The following CALN1 variants were observed in gnomAD, a reference collection of about 807,000 sequenced individuals.
The protein encoded by CALN1 is calcium-binding protein 8.
Under a neutral mutation model 30.6 loss-of-function variants are expected in CALN1, and 17 were observed. That is an observed-to-expected ratio of 0.56 (90% CI 0.38 to 0.83). CALN1 has a LOEUF of 0.83. Ranked by LOEUF, CALN1 falls within the 40% of genes least tolerant of loss-of-function variation. CALN1 has a pLI of 0.00. For missense variants in CALN1, 291 were observed against 354.9 expected, an observed-to-expected ratio of 0.82 and a Z score of 1.45; for synonymous variants, 156 against 131.4, an observed-to-expected ratio of 1.19 and a Z score of -1.28.
chr7:72,200,821 T>C (rs1471412693), intron 3 of CALN1, among the ~76,000 whole-genome samples: 3 of 152,230 alleles, frequency 2.0e-5, no homozygotes, highest in Non-Finnish European at 4.4e-5. Context: ...GCTGTAGCTA[T>C]ATTATACACT....
chr7:72,247,227 CTTTTTTTTTTTTTTTT>C (rs764276435), intron 3 of CALN1, among the ~76,000 whole-genome samples: 37,335 of 78,348 alleles, frequency 0.48, 7,734 homozygotes, highest in Middle Eastern at 0.66. Context: ...CATTTTCTTT[CTTTTTTTTTTTTTTTT>C]TTTTTTTTTT....
chr7:72,423,933 GAAGAGAA>G (rs1807707332), intron 1 of CALN1, among the ~76,000 whole-genome samples: 10 of 106,410 alleles, frequency 9.4e-5, no homozygotes, highest in Non-Finnish European at 1.4e-4. Flanking sequence ...GAAAAAGAAA[GAAGAGAA>G]AGAAAGAAAG....
intron 5 of CALN1, among the ~76,000 whole-genome samples, chr7:71,916,303 TC>T (rs1794685660): frequency 6.6e-6 from 1 of 151,852 alleles, no homozygotes; most frequent in Admixed American, 6.6e-5. Flanking sequence ...AAATGTAGAC[TC>T]CTTCCTCAGA....
At chr7:72,267,866 G>A (rs1796697297) in intron 3 of CALN1, among the ~76,000 whole-genome samples, 2 of 152,226 alleles carry the variant, frequency 1.3e-5, no homozygotes, top group South Asian at 4.1e-4. Context: ...AATTAGCTAG[G>A]TGTGGTGTTG....
At chr7:72,322,897 A>G (rs920112675) in intron 2 of CALN1, among the ~76,000 whole-genome samples, 1 of 151,950 alleles carries the variant, frequency 6.6e-6, no homozygotes. Flanking sequence ...GCATGCCTGT[A>G]TCAAAATATC....
At chr7:72,278,584 C>T (rs2129554049) in intron 3 of CALN1, 102 bp downstream of exon 3, 1 of 1,508,488 alleles carries the variant, frequency 6.6e-7, no homozygotes, top group Non-Finnish European at 9.0e-7. Context: ...CCACAACTGC[C>T]AAGGAGTGGC....
chr7:71,949,760 G>T (rs572013528), intron 5 of CALN1, among the ~76,000 whole-genome samples: 1 of 151,850 alleles, frequency 6.6e-6, no homozygotes, highest in Non-Finnish European at 1.5e-5. Flanking sequence ...AACCTGTGGA[G>T]TGTACTTTCT....
chr7:72,376,450 AT>A (rs1180098705), intron 2 of CALN1, among the ~76,000 whole-genome samples: 1 of 152,160 alleles, frequency 6.6e-6, no homozygotes, highest in Non-Finnish European at 1.5e-5. Flanking sequence ...TTTGATTTGT[AT>A]TTCTCTAATG....
Position 72,049,709 on chromosome 7 carries a change from C to G in CALN1, c.389-25940G>C, listed in dbSNP as rs564276324. ...TTTTAGTAGGGATGGGGTTTCACCA[C>G]GCTGGTCAGGCTGGTCTCGAACTCC... On this transcript the variant is annotated intron_variant, in intron 4 of 6. Coordinates refer to ENST00000395275, the MANE Select transcript of CALN1 (RefSeq NM_031468.4). 3.3e-5 allele frequency among the ~76,000 whole-genome samples: 5 copies of G among 151,808 alleles called. No homozygotes were observed. The South Asian group carries it at 1.0e-3, about 32-fold the overall frequency.
At chr7:71,855,994 T>C (rs1387805169) in intron 5 of CALN1, among the ~76,000 whole-genome samples, 1 of 152,124 alleles carries the variant, frequency 6.6e-6, no homozygotes, top group African/African-American at 2.4e-5. Context: ...CACATACATA[T>C]ACATATTGAG....
At chr7:71,871,301 T>C (rs1435555824) in intron 5 of CALN1, among the ~76,000 whole-genome samples, 6 of 152,196 alleles carry the variant, frequency 3.9e-5, no homozygotes, top group Non-Finnish European at 7.3e-5. Flanking sequence ...TGGCTGACCT[T>C]TTTCCAATTA....
At chr7:71,891,879 G>C (rs1315959373) in intron 5 of CALN1, among the ~76,000 whole-genome samples, 1 of 152,138 alleles carries the variant, frequency 6.6e-6, no homozygotes, top group Admixed American at 6.5e-5. Context: ...GGGAGGCAGA[G>C]GTTGCAGTGA....
chr7:72,077,267 T>A (rs1804813283), intron 4 of CALN1, among the ~76,000 whole-genome samples: 1 of 151,490 alleles, frequency 6.6e-6, no homozygotes, highest in Non-Finnish European at 1.5e-5. Context: ...AAGGAATATT[T>A]ATTTTATTTT....
At chr7:72,411,786 GTAAT>G (rs1338550024) in intron 1 of CALN1, among the ~76,000 whole-genome samples, 3 of 150,882 alleles carry the variant, frequency 2.0e-5, no homozygotes, top group Non-Finnish European at 4.4e-5. Context: ...AAGGAATAAA[GTAAT>G]TACTCTTTTA....
At chr7:72,148,138 C>T (rs900727886) in intron 3 of CALN1, among the ~76,000 whole-genome samples, 7 of 128,098 alleles carry the variant, frequency 5.5e-5, no homozygotes, top group African/African-American at 2.0e-4. Context: ...ACCAAACAAA[C>T]AAACAGAAAA....
chr7:72,376,729 A>G (rs539065491), intron 2 of CALN1, among the ~76,000 whole-genome samples: 3 of 152,108 alleles, frequency 2.0e-5, no homozygotes, highest in Admixed American at 1.3e-4. Flanking sequence ...CAATTTATCT[A>G]TTTCTTATTT....
At chr7:71,799,700 T>C (rs1438702701) in intron 6 of CALN1, among the ~76,000 whole-genome samples, 1 of 152,092 alleles carries the variant, frequency 6.6e-6, no homozygotes, top group Non-Finnish European at 1.5e-5. Flanking sequence ...GGTCTCGAAC[T>C]CCTGACCTCA....
chr7:71,789,364 CTGAGA>C (rs1176583472), intron 6 of CALN1, among the ~76,000 whole-genome samples: 1 of 152,152 alleles, frequency 6.6e-6, no homozygotes, highest in African/African-American at 2.4e-5. Flanking sequence ...TTGCAGTGAG[CTGAGA>C]TCAGGCTACT....
intron 5 of CALN1, among the ~76,000 whole-genome samples, chr7:72,002,488 A>G (rs561578931): frequency 6.6e-6 from 1 of 152,190 alleles, no homozygotes; most frequent in South Asian, 2.1e-4. Flanking sequence ...ATCATTATAA[A>G]GTTGAAAAAT....
Sources: allele counts gnomAD v4.1 joint callset (sites outside exome capture counted in the v4.1 genomes callset), GRCh38; gene constraint gnomAD v4.1.1; transcripts MANE v1.5; gene names NCBI Gene and HGNC (gene_info 2026-07-23, HGNC 2026-07-21).